ABCA1: variants seen among roughly 807,000 people sequenced by gnomAD.
The protein encoded by ABCA1 is phospholipid-transporting ATPase ABCA1.
Under a neutral mutation model 262.5 loss-of-function variants are expected in ABCA1, and 133 were observed. The observed-to-expected ratio is 0.51, with a 90% confidence interval of 0.44 to 0.59. The LOEUF is 0.59. Ranked by LOEUF, ABCA1 falls within the 20% of genes least tolerant of loss-of-function variation. ABCA1 has a pLI of 0.00. For missense variants in ABCA1, 2,452 were observed against 2,777.5 expected (o/e 0.88, Z 2.63); for synonymous variants, 1,022 against 1,043.5 (o/e 0.98, Z 0.40).
At chr9:104,839,389 AGGCACTT>A (rs1390650920) in intron 9 of ABCA1, among the ~76,000 whole-genome samples, 1 of 152,212 alleles carries the variant, frequency 6.6e-6, no homozygotes, top group East Asian at 1.9e-4. Flanking sequence ...GCTCTAACCA[AGGCACTT>A]AACCTCTCTG....
At chr9:104,857,394 G>A (rs530821265) in intron 7 of ABCA1, among the ~76,000 whole-genome samples, 18 of 152,174 alleles carry the variant, frequency 1.2e-4, no homozygotes, top group South Asian at 4.1e-4. Flanking sequence ...CATCACGCCC[G>A]GCTATTTTTT....
intron 7 of ABCA1, 107 bp downstream of exon 7, chr9:104,858,415 C>T: frequency 8.1e-7 from 1 of 1,230,876 alleles, no homozygotes; most frequent in African/African-American, 1.5e-5. Flanking sequence ...CACAAACTCC[C>T]AGCCAGCCGT....
chr9:104,863,258 C>T (rs745725731), intron 5 of ABCA1, among the ~76,000 whole-genome samples: 18 of 152,158 alleles, frequency 1.2e-4, no homozygotes, highest in Admixed American at 6.5e-4. Context: ...CCTATGACTC[C>T]GAAACAGTAT....
At chr9:104,868,376 C>A (rs1564209779) in intron 5 of ABCA1, among the ~76,000 whole-genome samples, 1 of 152,176 alleles carries the variant, frequency 6.6e-6, no homozygotes, top group East Asian at 1.9e-4. Context: ...ACAAAAAAAA[C>A]GGGGCTAATA....
intron 5 of ABCA1, among the ~76,000 whole-genome samples, chr9:104,882,667 G>T (rs1381965541): frequency 1.3e-5 from 2 of 152,234 alleles, no homozygotes; most frequent in Non-Finnish European, 1.5e-5. Context: ...AACTGTAATT[G>T]CTCTTATATG....
chr9:104,822,551 C>T lies in ABCA1; in HGVS notation c.2773G>A (p.Glu925Lys). ...CCCAGGAAGGAGGTGATCTGGCCCTCATAAAAATTCAGTGCCAGGCCATCG... is the reference window on the plus strand; with the variant it reads ...CCCAGGAAGGAGGTGATCTGGCCCTTATAAAAATTCAGTGCCAGGCCATCG... Reference protein sequence around the residue: ...AVDGLALNFYEGQITSFLGHN... With the variant: ...AVDGLALNFYKGQITSFLGHN... The change falls in exon 19 of 50, where the codon GAG becomes AAG. Residue 925 changes from glutamate (E) to lysine (K), a missense_variant. Transcript: ENST00000374736. 6.2e-7 allele frequency: 1 copy of T among 1,614,072 alleles called. No homozygotes were observed. The highest frequency in any genetic ancestry group is 1.3e-5 in the African/African-American group (1 of 75,026).
At chr9:104,845,451 C>A (rs1339651831) in intron 8 of ABCA1, 26 bp downstream of exon 8, 1 of 1,551,110 alleles carries the variant, frequency 6.4e-7, no homozygotes, top group Admixed American at 1.7e-5. Context: ...TGATCCGCTT[C>A]CTGGTACTGG....
At chr9:104,821,287 T>G (rs1018180816) in intron 20 of ABCA1, 88 bp downstream of exon 20, 5 of 1,540,094 alleles carry the variant, frequency 3.2e-6, no homozygotes, top group Non-Finnish European at 4.4e-6. Context: ...CACAGCAAAG[T>G]AAAATGCTTA....
intron 48 of ABCA1, 47 bp downstream of exon 48, chr9:104,786,251 T>A: frequency 7.0e-7 from 1 of 1,435,176 alleles, no homozygotes; most frequent in Non-Finnish European, 9.8e-7. Context: ...AGAATAAATA[T>A]CAAGCCTTCT....
rs1269782961 is a variant in ABCA1 at position 104,870,655 on chromosome 9, A to AGGCC, written c.422-8856_422-8855insGGCC. ...AATAGCATTAGGGCCCCTCACAGAT[A>AGGCC]CCATGAGTTTCATGTGCGTCTGTGT... On this transcript the variant is annotated intron_variant, in intron 5 of 49. Coordinates refer to ENST00000374736, the MANE Select transcript of ABCA1 (RefSeq NM_005502.4). Among the ~76,000 whole-genome samples the AGGCC allele has an allele frequency of 8.5e-3, 1,293 of 152,222 alleles. 18 individuals are homozygous for AGGCC. Among genetic ancestry groups the AGGCC allele is most frequent in the African/African-American group, 0.029 (1,223 of 41,528 alleles).
intron 2 of ABCA1, among the ~76,000 whole-genome samples, chr9:104,898,153 T>G (rs114489744): frequency 0.011 from 1,715 of 150,038 alleles, 37 homozygotes; most frequent in African/African-American, 0.042. Context: ...ATGTAATGAT[T>G]ACAATTGCTT....
At chr9:104,826,425 G>A (rs1832816366) in intron 16 of ABCA1, among the ~76,000 whole-genome samples, 1 of 152,304 alleles carries the variant, frequency 6.6e-6, no homozygotes, top group Non-Finnish European at 1.5e-5. Flanking sequence ...TCTGTACGAG[G>A]GAAGGAAGTG....
In ABCA1 at chr9:104,792,003, A is replaced by G. The variant is rs778340927; in HGVS notation, c.5758-5T>C. On this transcript the variant is annotated splice_polypyrimidine_tract_variant and splice_region_variant and intron_variant, in intron 42 of 49. Coordinates refer to ENST00000374736, the MANE Select transcript of ABCA1 (RefSeq NM_005502.4). The stretch of plus-strand genomic sequence containing the variant: ...CTTCCGCTTCCTTCTATATATCTGC[A>G]ACAAACAAAATGTAAACATTCATAA... 2 of 1,612,442 alleles carry G rather than the reference A, an allele frequency of 1.2e-6. No homozygotes were observed. The highest frequency in any genetic ancestry group is 2.2e-5 in the South Asian group (2 of 90,918).
intron 20 of ABCA1, among the ~76,000 whole-genome samples, chr9:104,820,356 C>T (rs925882224): frequency 1.3e-5 from 2 of 152,118 alleles, no homozygotes; most frequent in Non-Finnish European, 2.9e-5. Flanking sequence ...AATTTCAGGG[C>T]CCCAAGATGT....
chr9:104,923,321 T>C (rs569228923), intron 1 of ABCA1, among the ~76,000 whole-genome samples: 4 of 152,342 alleles, frequency 2.6e-5, no homozygotes, highest in Admixed American at 2.6e-4. Flanking sequence ...GAAAACATTT[T>C]GAGATCACAC....
chr9:104,840,584 G>C, intron 8 of ABCA1, 65 bp from the exon 9 acceptor site: 2 of 1,484,936 alleles, frequency 1.3e-6, no homozygotes, highest in Non-Finnish European at 1.8e-6. Flanking sequence ...TGCAAGGGTT[G>C]GGGATGAGAA....
chr9:104,793,143 G>T (rs1418595543), intron 41 of ABCA1, 28 bp downstream of exon 41: 1 of 1,613,578 alleles, frequency 6.2e-7, no homozygotes, highest in Non-Finnish European at 8.5e-7. Context: ...TCAACCAGGT[G>T]CTCCACGGGT....
At chr9:104,824,375 T>C (rs9282545) in intron 18 of ABCA1, 90 bp downstream of exon 18, 2 of 1,585,204 alleles carry the variant, frequency 1.3e-6, no homozygotes, top group Non-Finnish European at 1.7e-6. Flanking sequence ...CACAGTCTTT[T>C]AGAAAGGCAG....
In ABCA1 at chr9:104,845,499, C is replaced by T; in HGVS notation, c.791G>A (p.Ser264Asn). The T allele has an allele frequency of 6.2e-7, 1 of 1,614,008 alleles. No individual in the cohort carries two copies. The highest frequency in any genetic ancestry group is 8.5e-7 in the Non-Finnish European group (1 of 1,179,904). ...TACCTCCTGGGCCAGAGTCCCAAGA[C>T]TATGCAGCAATGTTTTTGTGGCTTC... ...LAEATKTLLH[S>N]LGTLAQELFS... Residue 264 changes from serine (S) to asparagine (N), a missense_variant, in exon 8 of 50, where the codon AGT becomes AAT. By Grantham distance (46) the Ser-to-Asn change is conservative. This residue lies in a region of ABCA1 where 1,032 missense variants were observed against 1,089.7 expected (regional missense o/e 0.95). Transcript: ENST00000374736.
Sources: gnomAD v4.1 joint callset for allele counts (sites outside exome capture counted in the v4.1 genomes callset) on GRCh38, gnomAD v4.1.1 for gene constraint, gnomAD v4.1.1 regional missense constraint, MANE v1.5 for transcripts, NCBI Gene and HGNC (gene_info 2026-07-23, HGNC 2026-07-21) for gene names.